Variants in STK32B observed in about 807,000 individuals in gnomAD.
STK32B encodes serine/threonine kinase 32B, also known as serine/threonine-protein kinase 32B.
Under a neutral mutation model 52.6 loss-of-function variants are expected in STK32B, and 43 were observed. The ratio of observed to expected loss-of-function variants is 0.82; its 90% CI spans 0.64 to 1.05. The LOEUF is 1.05. STK32B is among the 50% of genes least tolerant of loss of function. The probability of loss-of-function intolerance (pLI) is 0.00; values close to 1 mark genes in which losing one functional copy is unlikely to be tolerated. For synonymous variants in STK32B, 238 were observed against 204.3 expected (o/e 1.17, Z -1.41); for missense variants, 621 against 534.6 (o/e 1.16, Z -1.59).
At chr4:5,448,460 C>T (rs1715674127) in intron 7 of STK32B, among the ~76,000 whole-genome samples, 2 of 152,192 alleles carry the variant, frequency 1.3e-5, no homozygotes, top group Admixed American at 1.3e-4. Flanking sequence ...TGTAATCAAT[C>T]ACAGCAATGA....
chr4:5,345,630 C>A (rs1426077134), intron 4 of STK32B, among the ~76,000 whole-genome samples: 1 of 152,152 alleles, frequency 6.6e-6, no homozygotes, highest in Non-Finnish European at 1.5e-5. Flanking sequence ...CAGGTGAGAC[C>A]ACAGTGTCTC....
intron 1 of STK32B, among the ~76,000 whole-genome samples, chr4:5,108,899 T>C (rs1714249362): frequency 6.6e-6 from 1 of 152,168 alleles, no homozygotes; most frequent in African/African-American, 2.4e-5. Context: ...TTACGTTACA[T>C]CTGCAGCACT....
At chr4:5,403,454 T>G (rs1474497393) in intron 5 of STK32B, among the ~76,000 whole-genome samples, 3 of 152,150 alleles carry the variant, frequency 2.0e-5, no homozygotes, top group Admixed American at 2.0e-4. Context: ...TGAGCGGCCC[T>G]GATGCTTCCC....
At chr4:5,250,906 G>T (rs1316061744) in intron 3 of STK32B, among the ~76,000 whole-genome samples, 1 of 152,110 alleles carries the variant, frequency 6.6e-6, no homozygotes, top group Admixed American at 6.6e-5. Flanking sequence ...TTTTAATGGG[G>T]TTGTTTGCTT....
intron 4 of STK32B, among the ~76,000 whole-genome samples, chr4:5,379,844 C>T (rs375917970): frequency 1.1e-4 from 16 of 152,282 alleles, no homozygotes; most frequent in Admixed American, 3.9e-4. Context: ...TTTAAGCCCC[C>T]GGTTCGTGGT....
At chr4:5,029,247 G>A in the STK32B span, among the ~76,000 whole-genome samples, 2 of 152,232 alleles carry the variant, frequency 1.3e-5, no homozygotes, top group East Asian at 3.8e-4. Context: ...CTCTCCTGTG[G>A]TTAGGTTAGT....
At chr4:5,258,682 C>T (rs1417699201) in intron 3 of STK32B, among the ~76,000 whole-genome samples, 1 of 152,192 alleles carries the variant, frequency 6.6e-6, no homozygotes, top group African/African-American at 2.4e-5. Flanking sequence ...ATCTCCCCAG[C>T]TTCCACCCTG....
intron 11 of STK32B, among the ~76,000 whole-genome samples, chr4:5,471,029 C>T (rs1717814318): frequency 6.6e-6 from 1 of 152,224 alleles, no homozygotes; most frequent in African/African-American, 2.4e-5. Context: ...AGCCTGACAC[C>T]AGTTGCTCCT....
rs780591699 is a variant in STK32B, at chr4:5,499,003, G to A, written c.1165G>A (p.Gly389Ser). Residue 389 changes from glycine to serine, a missense_variant, in exon 12 of 12, where the codon GGC (glycine) becomes AGC (serine). Coordinates refer to ENST00000282908, the MANE Select transcript of STK32B (RefSeq NM_018401.3). ...CTTGGACACCGACAGCCGAGGGGGA[G>A]GCCAGGCCCAAAGCAAGCTCCAGGA... is the stretch of plus-strand genomic sequence containing the variant. ...QLLDTDSRGG[G>S]QAQSKLQDGC... The A allele has an allele frequency of 1.9e-6, 3 of 1,613,842 alleles. No homozygotes were observed. In the East Asian group the frequency reaches 6.7e-5, roughly 36 times the overall value.
chr4:5,068,985 G>A (rs965644012), intron 1 of STK32B, among the ~76,000 whole-genome samples: 3 of 152,026 alleles, frequency 2.0e-5, no homozygotes, highest in Non-Finnish European at 4.4e-5. Flanking sequence ...TATTAACAAC[G>A]GTCACCAATG....
intron 3 of STK32B, among the ~76,000 whole-genome samples, chr4:5,234,677 C>T (rs1055973733): frequency 3.3e-5 from 5 of 152,180 alleles, no homozygotes; most frequent in South Asian, 2.1e-4. Context: ...TTTCTGAGCA[C>T]GTTTACCTGT....
intron 1 of STK32B, among the ~76,000 whole-genome samples, chr4:5,069,499 T>A (rs1371820841): frequency 1.3e-5 from 2 of 152,154 alleles, no homozygotes; most frequent in Non-Finnish European, 2.9e-5. Context: ...GCAGGGATGC[T>A]CCTGACATAG....
the STK32B span, among the ~76,000 whole-genome samples, chr4:5,044,152 G>A: frequency 3.0e-4 from 45 of 152,220 alleles, no homozygotes; most frequent in African/African-American, 9.9e-4. Context: ...CTGCCTCTGC[G>A]AGGGCTCTTC....
intron 1 of STK32B, among the ~76,000 whole-genome samples, chr4:5,112,741 A>AGGAAAAATCTAAGCTGAGATT (rs1199088040): frequency 8.5e-5 from 13 of 152,212 alleles, no homozygotes; most frequent in African/African-American, 3.1e-4. Flanking sequence ...TTCTCTGTGG[A>AGGAAAAATCTAAGCTGAGATT]GGAAAAATCT....
chr4:5,315,833 T>C (rs1577331927), intron 3 of STK32B, among the ~76,000 whole-genome samples: 1 of 151,432 alleles, frequency 6.6e-6, no homozygotes, highest in African/African-American at 2.4e-5. Context: ...GCCTCCTGAG[T>C]AGCTGGAATT....
At chr4:5,179,021 C>T (rs1037448513) in intron 3 of STK32B, among the ~76,000 whole-genome samples, 2 of 152,222 alleles carry the variant, frequency 1.3e-5, no homozygotes, top group East Asian at 1.9e-4. Context: ...TCAGTTCTCA[C>T]GCTGCTATGA....
At chr4:5,414,187 G>C (rs1436900036) in intron 5 of STK32B, among the ~76,000 whole-genome samples, 1 of 151,558 alleles carries the variant, frequency 6.6e-6, no homozygotes, top group African/African-American at 2.4e-5. Context: ...GAAACCCTTG[G>C]GGCAGATATG....
At chr4:5,169,665 G>T (rs1490747189) in intron 3 of STK32B, among the ~76,000 whole-genome samples, 1 of 151,926 alleles carries the variant, frequency 6.6e-6, no homozygotes, top group Non-Finnish European at 1.5e-5. Flanking sequence ...AGAGTTCTTC[G>T]TGTCTCTGTG....
chr4:5,329,448 C>T (rs558908551), intron 3 of STK32B, among the ~76,000 whole-genome samples: 11 of 152,294 alleles, frequency 7.2e-5, no homozygotes, highest in African/African-American at 1.9e-4. Flanking sequence ...ACAGCCTGTG[C>T]GTTCCTGACC....
Sources: allele counts gnomAD v4.1 joint callset (sites outside exome capture counted in the v4.1 genomes callset), GRCh38; gene constraint gnomAD v4.1.1; transcripts MANE v1.5; gene names NCBI Gene and HGNC (gene_info 2026-07-23, HGNC 2026-07-21).